Variants in TARS3 observed in about 807,000 individuals in gnomAD.
TARS3 encodes the protein threonyl-tRNA synthetase 3, also known as threonine--tRNA ligase 2, cytoplasmic.
A neutral mutation model predicts 103.5 loss-of-function variants in TARS3; 94 were observed. That is an observed-to-expected ratio of 0.91 (90% confidence interval 0.77 to 1.08). The LOEUF is 1.08. TARS3 is among the 50% of genes least tolerant of loss of function. The pLI is 0.00. For synonymous variants in TARS3, 416 were observed against 355.4 expected, an observed-to-expected ratio of 1.17 and a Z score of -1.92; for missense variants, 952 against 995.2, an observed-to-expected ratio of 0.96 and a Z score of 0.58.
chr15:101,685,803 G>T, intron 11 of TARS3, 93 bp downstream of exon 11: 4 of 1,028,332 alleles, frequency 3.9e-6, no homozygotes, highest in South Asian at 2.3e-5. Flanking sequence ...CAGATTAAAG[G>T]GACTCTTTCA....
intron 16 of TARS3, among the ~76,000 whole-genome samples, chr15:101,661,101 G>GGATGCACCACTCAAAAAGGACCACAAA (rs1897357901): frequency 1.1e-5 from 1 of 88,892 alleles, no homozygotes; most frequent in South Asian, 3.4e-4. Context: ...AAGGACCACA[G>GGATGCACCACTCAAAAAGGACCACAAA]GATGCACCAC....
chr15:101,690,333 C>T (rs747445983), intron 10 of TARS3, among the ~76,000 whole-genome samples: 2 of 152,134 alleles, frequency 1.3e-5, no homozygotes, highest in African/African-American at 2.4e-5. Flanking sequence ...TACTTTTAAA[C>T]ACAATAGTAT....
At chr15:101,656,154 T>A in intron 18 of TARS3, 1 of 869,038 alleles carries the variant, frequency 1.2e-6, no homozygotes, top group Non-Finnish European at 1.6e-6. Flanking sequence ...TTTGGCTATT[T>A]AATTCTACCT....
intron 11 of TARS3, 118 bp from the exon 12 acceptor site, chr15:101,684,355 T>C: frequency 1.9e-6 from 2 of 1,039,618 alleles, no homozygotes; most frequent in African/African-American, 1.6e-5. Context: ...TTCTAGTTCT[T>C]AGATCACCAG....
Position 101,724,208 on chromosome 15 carries a change from C to T in TARS3, c.180G>A (p.Glu60=). The change falls in exon 1 of 19, where the codon GAG becomes GAA. Residue 60 remains glutamate, a synonymous_variant. Transcript: ENST00000335968. The part of the protein sequence containing the change: ...LTREVAQLRA[E]NCDLRHRLCS... The stretch of plus-strand genomic sequence containing the variant: ...ACAGGCGGTGGCGCAGGTCGCAGTT[C>T]TCGGCCCGGAGCTGCGCCACCTCCC... 1 of 1,529,370 alleles carries T rather than the reference C, an allele frequency of 6.5e-7. No homozygotes were observed. The highest frequency in any genetic ancestry group is 8.7e-7 in the Non-Finnish European group (1 of 1,144,688). 94.7% of individuals were successfully genotyped at this position (1,529,370 alleles called of 1,614,324 possible).
At chr15:101,712,536 T>A (rs892154401) in intron 4 of TARS3, among the ~76,000 whole-genome samples, 1 of 152,046 alleles carries the variant, frequency 6.6e-6, no homozygotes, top group African/African-American at 2.4e-5. Flanking sequence ...TTGAAAGATG[T>A]CTCAGGAAGA....
At chr15:101,704,344 T>C (rs890360571) in intron 7 of TARS3, among the ~76,000 whole-genome samples, 17 of 152,164 alleles carry the variant, frequency 1.1e-4, no homozygotes, top group African/African-American at 3.9e-4. Flanking sequence ...AAGGCTTCAA[T>C]ACTCTAATCT....
intron 6 of TARS3, 92 bp downstream of exon 6, chr15:101,708,701 C>T (rs972526135): frequency 2.3e-6 from 2 of 871,468 alleles, no homozygotes; most frequent in Non-Finnish European, 3.8e-6. Context: ...ATTTGGTGAG[C>T]AACAGGTAAT....
At chr15:101,678,345 A>G (rs1023611165) in intron 12 of TARS3, among the ~76,000 whole-genome samples, 1 of 152,128 alleles carries the variant, frequency 6.6e-6, no homozygotes, top group Non-Finnish European at 1.5e-5. Flanking sequence ...TTTACACTTA[A>G]TATGTTAGGG....
At chr15:101,660,402 G>A (rs1897332875) in intron 16 of TARS3, among the ~76,000 whole-genome samples, 1 of 152,354 alleles carries the variant, frequency 6.6e-6, no homozygotes, top group Admixed American at 6.5e-5. Flanking sequence ...AATGCATGGT[G>A]ATAGTAGTGA....
intron 16 of TARS3, among the ~76,000 whole-genome samples, chr15:101,658,500 G>A (rs182953891): frequency 6.6e-6 from 1 of 152,234 alleles, no homozygotes. Flanking sequence ...GTTCATGGCT[G>A]TCAGATAGGA....
intron 11 of TARS3, among the ~76,000 whole-genome samples, chr15:101,685,667 C>G (rs997601144): frequency 1.3e-5 from 2 of 152,116 alleles, no homozygotes; most frequent in African/African-American, 4.8e-5. Context: ...ATCCTTTAAT[C>G]AGCACAAAAA....
chr15:101,687,838 G>A (rs993411850), intron 10 of TARS3, among the ~76,000 whole-genome samples: 6 of 151,976 alleles, frequency 3.9e-5, no homozygotes, highest in Non-Finnish European at 7.4e-5. Context: ...AAAAGGATTC[G>A]CAGAGAGCTC....
At chr15:101,672,374 T>A (rs8033312) in intron 13 of TARS3, among the ~76,000 whole-genome samples, 25,186 of 152,114 alleles carry the variant, frequency 0.17, 2,375 homozygotes, top group Non-Finnish European at 0.21. Flanking sequence ...AATGAAAAAT[T>A]TCCCAGAGTC....
chr15:101,655,964 G>A (rs1414059705), intron 18 of TARS3: 5 of 1,289,236 alleles, frequency 3.9e-6, no homozygotes, highest in Middle Eastern at 2.1e-4. Context: ...CCCATATTGT[G>A]AGATGATGCA....
chr15:101,676,799 A>AC (rs1315964615), intron 12 of TARS3, among the ~76,000 whole-genome samples: 21 of 138,172 alleles, frequency 1.5e-4, no homozygotes, highest in Admixed American at 1.3e-3. Context: ...GAGCCACTAC[A>AC]CCCTTTTTTT....
intron 2 of TARS3, 51 bp downstream of exon 2, chr15:101,723,042 T>A (rs771363441): frequency 4.2e-6 from 6 of 1,442,578 alleles, no homozygotes; most frequent in Non-Finnish European, 5.9e-6. Flanking sequence ...TATATACACA[T>A]ATTTAAAATT....
At chr15:101,676,361 A>G (rs1204703771) in intron 12 of TARS3, among the ~76,000 whole-genome samples, 1 of 152,160 alleles carries the variant, frequency 6.6e-6, no homozygotes, top group Non-Finnish European at 1.5e-5. Flanking sequence ...ATTAGAAGAG[A>G]GCCCCATCAG....
intron 4 of TARS3, among the ~76,000 whole-genome samples, chr15:101,714,005 A>G (rs920987010): frequency 1.3e-5 from 2 of 152,184 alleles, no homozygotes; most frequent in Non-Finnish European, 2.9e-5. Flanking sequence ...AATTATTGTA[A>G]CCTAAGCTAA....
Sources: allele counts gnomAD v4.1 joint callset (sites outside exome capture counted in the v4.1 genomes callset), GRCh38; gene constraint gnomAD v4.1.1; transcripts MANE v1.5; gene names NCBI Gene and HGNC (gene_info 2026-07-23, HGNC 2026-07-21).